The following RALGPS1 variants were observed in gnomAD, a reference collection of about 807,000 sequenced individuals.
RALGPS1 encodes ras-specific guanine nucleotide-releasing factor RalGPS1.
A neutral mutation model predicts 78.8 loss-of-function variants in RALGPS1; 19 were observed. The observed-to-expected ratio is 0.24, with a 90% CI of 0.17 to 0.35. RALGPS1 has a LOEUF of 0.35. Among genes scored for constraint, RALGPS1 ranks in the 10% least tolerant of loss-of-function variants. The pLI, the probability that RALGPS1 is intolerant of heterozygous loss-of-function variation, is 1.00. For synonymous variants in RALGPS1, 228 were observed against 256.3 expected (o/e 0.89, Z 1.06); for missense variants, 454 against 688.3 (o/e 0.66, Z 3.81).
intron 1 of RALGPS1, among the ~76,000 whole-genome samples, chr9:126,941,978 GC>G: frequency 6.6e-6 from 1 of 152,132 alleles, no homozygotes; most frequent in Non-Finnish European, 1.5e-5. Flanking sequence ...ACAAAAAATA[GC>G]TCATATTAAT....
intron 1 of RALGPS1, among the ~76,000 whole-genome samples, chr9:126,955,117 C>T (rs1286510502): frequency 6.6e-6 from 1 of 152,226 alleles, no homozygotes; most frequent in African/African-American, 2.4e-5. Flanking sequence ...CTTGACCATC[C>T]TGGCAAATAT....
chr9:127,057,201 C>T (rs2048816603), intron 7 of RALGPS1, among the ~76,000 whole-genome samples: 1 of 152,138 alleles, frequency 6.6e-6, no homozygotes, highest in African/African-American at 2.4e-5. Context: ...AGGCTGGGCA[C>T]AGGGCAGGGA....
intron 1 of RALGPS1, among the ~76,000 whole-genome samples, chr9:126,924,576 G>T (rs2035083282): frequency 6.6e-6 from 1 of 152,204 alleles, no homozygotes; most frequent in Non-Finnish European, 1.5e-5. Context: ...TATCTTTGGT[G>T]TGCATGCATC....
intron 1 of RALGPS1, among the ~76,000 whole-genome samples, chr9:126,920,970 G>T (rs2034691769): frequency 6.6e-6 from 1 of 152,176 alleles, no homozygotes; most frequent in African/African-American, 2.4e-5. Flanking sequence ...CTGAGTCTTG[G>T]TTTACTGATT....
At chr9:127,071,023 ATC>A (rs368013720) in intron 8 of RALGPS1, among the ~76,000 whole-genome samples, 22 of 148,292 alleles carry the variant, frequency 1.5e-4, no homozygotes, top group South Asian at 6.3e-4. Flanking sequence ...ATAAATTTGA[ATC>A]TCTCTCTCTC....
intron 14 of RALGPS1, among the ~76,000 whole-genome samples, chr9:127,203,106 C>T (rs1227327929): frequency 6.6e-6 from 1 of 152,196 alleles, no homozygotes; most frequent in Non-Finnish European, 1.5e-5. Context: ...ACAAGAATAT[C>T]AGCCTACGAG....
chr9:127,118,857 G>A (rs776836435), intron 8 of RALGPS1, among the ~76,000 whole-genome samples: 1 of 152,204 alleles, frequency 6.6e-6, no homozygotes, highest in African/African-American at 2.4e-5. Context: ...CAGGGCTGCT[G>A]TCTGTTATGT....
chr9:126,991,545 A>G (rs1284315572), intron 4 of RALGPS1, among the ~76,000 whole-genome samples: 1 of 152,158 alleles, frequency 6.6e-6, no homozygotes, highest in Non-Finnish European at 1.5e-5. Context: ...TGCAAGGAAA[A>G]GAGGGTTTGT....
At chr9:127,197,177 A>G (rs1368031554) in intron 13 of RALGPS1, among the ~76,000 whole-genome samples, 1 of 152,232 alleles carries the variant, frequency 6.6e-6, no homozygotes, top group Non-Finnish European at 1.5e-5. Flanking sequence ...GCAACAGAAG[A>G]GACAGAAATT....
intron 5 of RALGPS1, among the ~76,000 whole-genome samples, chr9:127,036,283 C>G (rs2046858646): frequency 6.6e-6 from 1 of 152,244 alleles, no homozygotes; most frequent in Admixed American, 6.5e-5. Flanking sequence ...AGAGGCCAGG[C>G]CTGGTCAGCC....
intron 10 of RALGPS1, among the ~76,000 whole-genome samples, chr9:127,174,427 CT>C (rs2059739851): frequency 6.6e-6 from 1 of 152,198 alleles, no homozygotes. Context: ...GCTGCTTAAC[CT>C]CACCACTCCT....
intron 8 of RALGPS1, among the ~76,000 whole-genome samples, chr9:127,147,867 C>T (rs1449534817): frequency 6.6e-6 from 1 of 152,170 alleles, no homozygotes; most frequent in Non-Finnish European, 1.5e-5. Flanking sequence ...TAAAGGCATT[C>T]ACGAAAACTC....
chr9:127,137,192 A>G (rs1230620670), intron 8 of RALGPS1, among the ~76,000 whole-genome samples: 1 of 152,214 alleles, frequency 6.6e-6, no homozygotes, highest in East Asian at 1.9e-4. Flanking sequence ...AGAGAAGGGC[A>G]TGCAACCCAG....
intron 1 of RALGPS1, among the ~76,000 whole-genome samples, chr9:126,925,453 C>CTT (rs2035176611): frequency 6.6e-6 from 1 of 151,672 alleles, no homozygotes; most frequent in South Asian, 2.1e-4. Flanking sequence ...GAGGCCTAGG[C>CTT]AGGAGAATCA....
intron 4 of RALGPS1, among the ~76,000 whole-genome samples, chr9:126,988,917 A>G (rs1267347369): frequency 1.3e-5 from 2 of 152,170 alleles, no homozygotes; most frequent in African/African-American, 4.8e-5. Context: ...CAGGGTGATC[A>G]GCAATGTTGC....
chr9:126,952,775 T>A (rs1327369963), intron 1 of RALGPS1, among the ~76,000 whole-genome samples: 3 of 152,070 alleles, frequency 2.0e-5, no homozygotes, highest in Non-Finnish European at 4.4e-5. Flanking sequence ...CGAACAGTTG[T>A]TGGAGGGGTT....
intron 1 of RALGPS1, among the ~76,000 whole-genome samples, chr9:126,925,155 A>AATAC (rs1467919031): frequency 6.6e-6 from 1 of 151,894 alleles, no homozygotes; most frequent in Non-Finnish European, 1.5e-5. Flanking sequence ...TAAATAAATA[A>AATAC]ATATAAAAAT....
chr9:127,182,352 CCCTT>C (rs1166804325), intron 11 of RALGPS1, among the ~76,000 whole-genome samples: 138 of 97,106 alleles, frequency 1.4e-3, no homozygotes, highest in Non-Finnish European at 1.7e-3. Context: ...CTTCCTTCCT[CCCTT>C]CCTTCCTTCC....
intron 1 of RALGPS1, among the ~76,000 whole-genome samples, chr9:126,917,073 T>C (rs2034246830): frequency 6.6e-6 from 1 of 152,016 alleles, no homozygotes; most frequent in Admixed American, 6.5e-5. Context: ...GTAGAAGCTG[T>C]GGGACTTTAG....
Sources: gnomAD v4.1 joint callset for allele counts (sites outside exome capture counted in the v4.1 genomes callset) on GRCh38, gnomAD v4.1.1 for gene constraint, MANE v1.5 for transcripts, NCBI Gene and HGNC (gene_info 2026-07-23, HGNC 2026-07-21) for gene names.